ASB3: variants seen among roughly 807,000 people sequenced by gnomAD.
ASB3 encodes ankyrin repeat and SOCS box containing 3, also known as ankyrin repeat and SOCS box protein 3.
A neutral mutation model predicts 54.5 loss-of-function variants in ASB3; 41 were observed. That is an observed-to-expected ratio of 0.75 (90% confidence interval 0.59 to 0.98). ASB3 has a LOEUF of 0.98. Ranked by LOEUF, ASB3 falls within the 50% of genes least tolerant of loss-of-function variation. ASB3 has a pLI of 0.00. For synonymous variants in ASB3, 266 were observed against 221.2 expected (o/e 1.20, Z -1.80); for missense variants, 733 against 620.0 (o/e 1.18, Z -1.94).
chr2:53,699,373 T>C (rs113033255), intron 8 of ASB3, among the ~76,000 whole-genome samples: 1 of 152,134 alleles, frequency 6.6e-6, no homozygotes, highest in African/African-American at 2.4e-5. Context: ...TATGTTTTGG[T>C]TACAGAAATA....
chr2:53,681,978 T>A (rs1572834293), intron 9 of ASB3, among the ~76,000 whole-genome samples: 1 of 151,862 alleles, frequency 6.6e-6, no homozygotes, highest in Non-Finnish European at 1.5e-5. Flanking sequence ...GCCAATATGG[T>A]GAAACCTCGT....
intron 7 of ASB3, among the ~76,000 whole-genome samples, chr2:53,700,992 T>C (rs1464432907): frequency 1.3e-5 from 2 of 152,238 alleles, no homozygotes; most frequent in Non-Finnish European, 2.9e-5. Flanking sequence ...TTTATTTTTC[T>C]AGATACAGGG....
At chr2:53,673,475 C>T (rs1208229700) in intron 9 of ASB3, among the ~76,000 whole-genome samples, 1 of 152,164 alleles carries the variant, frequency 6.6e-6, no homozygotes, top group African/African-American at 2.4e-5. Flanking sequence ...TATGTGACTA[C>T]ATCACTGGAG....
intron 2 of ASB3, among the ~76,000 whole-genome samples, 179 bp downstream of exon 2, chr2:53,765,198 C>T (rs759957267): frequency 1.3e-5 from 2 of 152,216 alleles, no homozygotes; most frequent in Non-Finnish European, 2.9e-5. Context: ...ACTAGAGTAT[C>T]ATACTAATTG....
chr2:53,672,149 A>C (rs1433704816), intron 9 of ASB3, among the ~76,000 whole-genome samples: 1 of 152,212 alleles, frequency 6.6e-6, no homozygotes, highest in Non-Finnish European at 1.5e-5. Context: ...TAAAGAAATC[A>C]CTCAAACTGG....
rs375297031 is a variant in ASB3, at chr2:53,750,674, C to G, written c.355+109G>C. ...CAAGGAAGTAGTGGTATGATAGTTGCCAAAAGAACATACTATAAGCACAAC... is the reference window on the plus strand; with the variant it reads ...CAAGGAAGTAGTGGTATGATAGTTGGCAAAAGAACATACTATAAGCACAAC... On this transcript the variant is annotated intron_variant, in intron 3 of 9. Transcript: ENST00000263634. The G allele has an allele frequency of 1.1e-4, 133 of 1,216,470 alleles. 2 individuals carry two copies. In the East Asian group the frequency reaches 2.2e-3, roughly 20 times the overall value. 75.4% of individuals were successfully genotyped at this position (1,216,470 alleles called of 1,614,324 possible). A position where few individuals can be genotyped will look rare whatever the true frequency, so the allele number is the denominator to read the frequency against.
chr2:53,735,075 A>G (rs966939412), intron 3 of ASB3, among the ~76,000 whole-genome samples: 2 of 152,040 alleles, frequency 1.3e-5, no homozygotes, highest in African/African-American at 4.8e-5. Flanking sequence ...GTACACCTCC[A>G]TGCCCAGATA....
intron 5 of ASB3, among the ~76,000 whole-genome samples, chr2:53,723,567 G>C (rs541123455): frequency 7.9e-5 from 12 of 151,870 alleles, no homozygotes; most frequent in Middle Eastern, 3.4e-3. Flanking sequence ...ATTTTTTACA[G>C]AATTAGAAAA....
chr2:53,694,337 A>G (rs988517657), intron 8 of ASB3: 2 of 215,068 alleles, frequency 9.3e-6, no homozygotes, highest in East Asian at 2.2e-4. Flanking sequence ...TCCCATTTGG[A>G]CTATCTTGCC....
At chr2:53,710,441 C>T (rs1332771382) in intron 7 of ASB3, among the ~76,000 whole-genome samples, 1 of 152,170 alleles carries the variant, frequency 6.6e-6, no homozygotes, top group African/African-American at 2.4e-5. Context: ...GAGCTGCTTT[C>T]AATTATCTGA....
chr2:53,699,440 C>A lies in ASB3; in HGVS notation c.1238+831G>T, dbSNP rs566807494. ...GCTGAAAGTACTGGGCAAGTCATAT[C>A]GAATCAGAGTTAATAGCTTTGGTAG... On this transcript the variant is annotated intron_variant, in intron 8 of 9. Transcript: ENST00000263634. 5.9e-5 allele frequency among the ~76,000 whole-genome samples: 9 copies of A among 152,204 alleles called. No individual in the cohort carries two copies. The East Asian group carries it at 1.7e-3, about 29-fold the overall frequency.
chr2:53,714,431 G>C lies in ASB3; in HGVS notation c.933C>G (p.Cys311Trp). 1 of 1,614,136 alleles carries C rather than the reference G, an allele frequency of 6.2e-7. No homozygotes were observed. The highest frequency in any genetic ancestry group is 8.5e-7 in the Non-Finnish European group (1 of 1,180,000). ...RNGYSPDAQA[C>W]LVFGFSSPVC... ...CAGGAGAACTGAATCCAAAAACAAG[G>C]CACGCCTGGGCGTCTGGGCTGTAGC... Residue 311 changes from cysteine to tryptophan, a missense_variant, in exon 7 of 10, where the codon TGC becomes TGG. Cys to Trp is a radical substitution (Grantham distance 215). Coordinates refer to ENST00000263634, the MANE Select transcript of ASB3 (RefSeq NM_016115.5).
In ASB3 at chr2:53,700,469, A is replaced by C; in HGVS notation, c.1040T>G (p.Leu347Arg). Residue 347 changes from leucine (L) to arginine (R), a missense_variant, in exon 8 of 10, where the codon CTT becomes CGT. Coordinates refer to ENST00000263634, the MANE Select transcript of ASB3 (RefSeq NM_016115.5). ...LLKYGAQINELHLAYCLKYEK... is the reference protein window; with the variant it reads ...LLKYGAQINERHLAYCLKYEK... ...GTACTTCAGGCAGTATGCCAAATGA[A>C]GTTCATTTATCTGGGCTCCATATTT... 6.2e-7 allele frequency: 1 copy of C among 1,614,126 alleles called. No homozygotes were observed. The highest frequency in any genetic ancestry group is 8.5e-7 in the Non-Finnish European group (1 of 1,179,994).
At chr2:53,765,607 T>C (rs1477689283) in intron 1 of ASB3, 22 bp from the exon 2 acceptor site, 4 of 1,613,966 alleles carry the variant, frequency 2.5e-6, no homozygotes, top group Non-Finnish European at 2.5e-6. Flanking sequence ...GGTAGAAGGA[T>C]AATACTATAG....
chr2:53,684,631 C>T (rs961652916), intron 9 of ASB3, among the ~76,000 whole-genome samples: 1 of 152,234 alleles, frequency 6.6e-6, no homozygotes, highest in African/African-American at 2.4e-5. Flanking sequence ...GGTAGTCCCA[C>T]TGTCTTCTCA....
intron 2 of ASB3, among the ~76,000 whole-genome samples, chr2:53,764,103 G>A (rs1032083492): frequency 6.6e-5 from 10 of 152,060 alleles, no homozygotes; most frequent in African/African-American, 1.9e-4. Context: ...TTCCTTTCCC[G>A]TCCAGCAGGT....
intron 1 of ASB3, chr2:53,768,101 G>C: frequency 6.5e-7 from 1 of 1,527,400 alleles, no homozygotes; most frequent in South Asian, 1.2e-5. Flanking sequence ...CCACACCCTA[G>C]AGAACCACAC....
At chr2:53,733,864 T>G (rs1221420587) in intron 3 of ASB3, among the ~76,000 whole-genome samples, 2 of 152,192 alleles carry the variant, frequency 1.3e-5, no homozygotes, top group African/African-American at 2.4e-5. Flanking sequence ...ACCCACGTAT[T>G]TATTAAGATC....
chr2:53,670,796 T>C (rs1667771341), intron 9 of ASB3, 106 bp from the exon 10 acceptor site: 1 of 1,294,014 alleles, frequency 7.7e-7, no homozygotes. Flanking sequence ...AAAAGTGATA[T>C]ATTGCTTGAA....
Sources: allele counts gnomAD v4.1 joint callset (sites outside exome capture counted in the v4.1 genomes callset), GRCh38; gene constraint gnomAD v4.1.1; transcripts MANE v1.5; gene names NCBI Gene and HGNC (gene_info 2026-07-23, HGNC 2026-07-21).